PTPRD: variants seen among roughly 807,000 people sequenced by gnomAD.
PTPRD encodes the protein protein tyrosine phosphatase receptor type D, also known as receptor-type tyrosine-protein phosphatase delta.
In PTPRD, 34 loss-of-function variants were observed where a neutral mutation model predicts 214.5. The observed-to-expected ratio is 0.16, with a 90% CI of 0.12 to 0.21. The LOEUF (loss-of-function observed/expected upper bound fraction) is 0.21, where lower values mean the gene tolerates loss of function less well. Ranked by LOEUF, PTPRD falls within the 10% of genes least tolerant of loss-of-function variation. The probability of loss-of-function intolerance (pLI) is 1.00; values close to 1 mark genes in which losing one functional copy is unlikely to be tolerated. For synonymous variants in PTPRD, 1,128 were observed against 845.7 expected, an observed-to-expected ratio of 1.33 and a Z score of -5.79; for missense variants, 2,545 against 2,398.7, an observed-to-expected ratio of 1.06 and a Z score of -1.27.
At chr9:10,121,033 A>ACCCTAC (rs2098770756) in intron 3 of PTPRD, among the ~76,000 whole-genome samples, 2 of 152,182 alleles carry the variant, frequency 1.3e-5, no homozygotes, top group African/African-American at 4.8e-5. Context: ...GGGTTGTAGA[A>ACCCTAC]TTGTATTATG....
intron 2 of PTPRD, among the ~76,000 whole-genome samples, chr9:10,409,150 AAC>A (rs1236672083): frequency 6.6e-6 from 1 of 151,850 alleles, no homozygotes; most frequent in Non-Finnish European, 1.5e-5. Context: ...TGTGGGCTAC[AAC>A]ACACAAAATA....
At chr9:10,348,481 A>C (rs1305813363) in intron 2 of PTPRD, among the ~76,000 whole-genome samples, 1 of 152,174 alleles carries the variant, frequency 6.6e-6, no homozygotes, top group Non-Finnish European at 1.5e-5. Context: ...ATCAACACTC[A>C]GTCAAAACTC....
intron 36 of PTPRD, among the ~76,000 whole-genome samples, chr9:8,393,835 T>A (rs1197744474): frequency 1.3e-5 from 2 of 152,102 alleles, no homozygotes; most frequent in East Asian, 3.9e-4. Flanking sequence ...TGGGTTAAAG[T>A]GTATTTCCTC....
chr9:10,106,596 T>A (rs1228381880), intron 3 of PTPRD, among the ~76,000 whole-genome samples: 1 of 151,740 alleles, frequency 6.6e-6, no homozygotes, highest in African/African-American at 2.4e-5. Context: ...AGAAGTAAAG[T>A]TTAAAAGGCA....
At chr9:8,628,196 G>A (rs771676758) in intron 14 of PTPRD, among the ~76,000 whole-genome samples, 11 of 151,714 alleles carry the variant, frequency 7.3e-5, no homozygotes, top group African/African-American at 1.2e-4. Context: ...TTTTCACAGC[G>A]GGGACAACTG....
chr9:9,464,921 G>C (rs2094005698), intron 8 of PTPRD, among the ~76,000 whole-genome samples: 1 of 152,160 alleles, frequency 6.6e-6, no homozygotes, highest in Non-Finnish European at 1.5e-5. Flanking sequence ...GGCGTCTAGA[G>C]CATTGTGCAT....
At chr9:8,702,700 C>G (rs528088078) in intron 12 of PTPRD, among the ~76,000 whole-genome samples, 17 of 152,162 alleles carry the variant, frequency 1.1e-4, no homozygotes, top group Non-Finnish European at 2.2e-4. Context: ...TGCAACCTCC[C>G]GTGTTCAAGC....
intron 3 of PTPRD, among the ~76,000 whole-genome samples, chr9:10,132,655 C>A (rs2154259476): frequency 6.6e-6 from 1 of 152,144 alleles, no homozygotes; most frequent in South Asian, 2.1e-4. Context: ...TTGGTTGACT[C>A]CAGAAAAAAG....
intron 11 of PTPRD, among the ~76,000 whole-genome samples, chr9:8,906,846 C>G (rs531354519): frequency 2.0e-5 from 3 of 152,034 alleles, no homozygotes; most frequent in Non-Finnish European, 4.4e-5. Flanking sequence ...CATGGAAGGT[C>G]TTGCTAAACT....
intron 5 of PTPRD, among the ~76,000 whole-genome samples, chr9:9,827,861 G>C (rs1271681045): frequency 2.6e-5 from 4 of 152,040 alleles, no homozygotes; most frequent in Admixed American, 6.6e-5. Flanking sequence ...ACAGACACTT[G>C]TCAACAGAAG....
At position 9,033,440 on chromosome 9, in the gene PTPRD, A is replaced by G. The variant is rs115119700; in HGVS notation, c.-142-14705T>C. 3.7e-3 allele frequency among the ~76,000 whole-genome samples: 566 copies of G among 152,192 alleles called. 1 individual carries two copies. Among genetic ancestry groups the G allele is most frequent in the African/African-American group, 0.012 (508 of 41,556 alleles). On this transcript the variant is annotated intron_variant, in intron 10 of 45. Coordinates refer to ENST00000381196, the MANE Select transcript of PTPRD (RefSeq NM_002839.4). The stretch of plus-strand genomic sequence containing the variant: ...CTTTCCAATCATTCCCACATCTCAG[A>G]AAGGGGAATTCTTCCAGCTTTATCA...
chr9:8,728,206 T>C (rs2098608562), intron 12 of PTPRD, among the ~76,000 whole-genome samples: 2 of 152,160 alleles, frequency 1.3e-5, no homozygotes, highest in South Asian at 4.1e-4. Flanking sequence ...GCCAAGATCG[T>C]GCCATTGCAC....
intron 4 of PTPRD, among the ~76,000 whole-genome samples, chr9:9,959,534 T>C: frequency 6.6e-6 from 1 of 152,108 alleles, no homozygotes; most frequent in Non-Finnish European, 1.5e-5. Flanking sequence ...CTAGAAAAAC[T>C]TCCTATGGCA....
intron 7 of PTPRD, among the ~76,000 whole-genome samples, chr9:9,722,544 T>C (rs2097976951): frequency 6.6e-6 from 1 of 152,096 alleles, no homozygotes; most frequent in South Asian, 2.1e-4. Context: ...GGCAAGTTTT[T>C]ATATAGACAT....
chr9:10,108,913 A>C (rs1233773642), intron 3 of PTPRD, among the ~76,000 whole-genome samples: 2 of 151,944 alleles, frequency 1.3e-5, no homozygotes, highest in Non-Finnish European at 2.9e-5. Context: ...CCATAATATA[A>C]TACTATACTC....
chr9:8,907,227 A>G (rs545692602), intron 11 of PTPRD, among the ~76,000 whole-genome samples: 130 of 152,264 alleles, frequency 8.5e-4, no homozygotes, highest in Non-Finnish European at 8.8e-5. Flanking sequence ...AGCTGCCACA[A>G]TATGTTATCT....
chr9:8,761,042 A>C (rs897021274), intron 11 of PTPRD, among the ~76,000 whole-genome samples: 9 of 152,228 alleles, frequency 5.9e-5, no homozygotes, highest in Non-Finnish European at 1.0e-4. Context: ...GAAGGACACC[A>C]AGCTTTTTAC....
chr9:9,467,999 C>A (rs2094334057), intron 8 of PTPRD, among the ~76,000 whole-genome samples: 1 of 152,064 alleles, frequency 6.6e-6, no homozygotes, highest in Non-Finnish European at 1.5e-5. Context: ...ACATCACTAT[C>A]CTTGAATAGT....
intron 45 of PTPRD, among the ~76,000 whole-genome samples, chr9:8,318,363 C>G (rs1249350689): frequency 2.0e-5 from 3 of 152,060 alleles, no homozygotes; most frequent in African/African-American, 4.8e-5. Flanking sequence ...TTAAGAGAGG[C>G]TGATACAGAC....
Sources: allele counts gnomAD v4.1 joint callset (sites outside exome capture counted in the v4.1 genomes callset), GRCh38; gene constraint gnomAD v4.1.1; transcripts MANE v1.5; gene names NCBI Gene and HGNC (gene_info 2026-07-23, HGNC 2026-07-21).